CSMD1: variants seen among roughly 807,000 people sequenced by gnomAD.
The protein encoded by CSMD1 is CUB and sushi domain-containing protein 1.
Under a neutral mutation model 417.5 loss-of-function variants are expected in CSMD1, and 213 were observed. The ratio of observed to expected loss-of-function variants is 0.51; its 90% CI spans 0.46 to 0.57. The LOEUF (loss-of-function observed/expected upper bound fraction) is 0.57, where lower values mean the gene tolerates loss of function less well. Ranked by LOEUF, CSMD1 falls within the 20% of genes least tolerant of loss-of-function variation. The pLI is 0.00. For missense variants in CSMD1, 6,923 were observed against 4,529.7 expected, an observed-to-expected ratio of 1.53 and a Z score of -15.17; for synonymous variants, 2,862 against 1,736.8, an observed-to-expected ratio of 1.65 and a Z score of -16.11.
At chr8:3,520,875 C>T (rs1563116887) in intron 10 of CSMD1, among the ~76,000 whole-genome samples, 1 of 152,078 alleles carries the variant, frequency 6.6e-6, no homozygotes, top group South Asian at 2.1e-4. Context: ...GGCTTTGTCA[C>T]CCTTGTGTCT....
At chr8:4,427,098 TG>T (rs1797603771) in intron 2 of CSMD1, among the ~76,000 whole-genome samples, 1 of 152,060 alleles carries the variant, frequency 6.6e-6, no homozygotes, top group Non-Finnish European at 1.5e-5. Context: ...CTGTGGCTCC[TG>T]GGAGGTCACC....
At chr8:3,626,824 T>C (rs1796513274) in intron 7 of CSMD1, among the ~76,000 whole-genome samples, 1 of 149,704 alleles carries the variant, frequency 6.7e-6, no homozygotes, top group Non-Finnish European at 1.5e-5. Context: ...ATATAATTTA[T>C]ATATCAAAGT....
intron 5 of CSMD1, among the ~76,000 whole-genome samples, chr8:3,985,874 TC>T (rs1454355476): frequency 2.0e-5 from 3 of 151,992 alleles, no homozygotes; most frequent in African/African-American, 7.3e-5. Flanking sequence ...AGATAATTTT[TC>T]TTCCCAATTC....
chr8:4,404,075 T>C (rs1804843173), intron 3 of CSMD1, among the ~76,000 whole-genome samples: 1 of 152,316 alleles, frequency 6.6e-6, no homozygotes, highest in East Asian at 1.9e-4. Flanking sequence ...CAGAGCTTTT[T>C]ACGTGCTTTT....
At chr8:4,641,431 C>T (rs1179017954) in intron 1 of CSMD1, among the ~76,000 whole-genome samples, 1 of 152,086 alleles carries the variant, frequency 6.6e-6, no homozygotes, top group African/African-American at 2.4e-5. Flanking sequence ...ACAGAGTTAA[C>T]TTCAGTCATT....
At chr8:4,469,258 G>A (rs73660879) in intron 2 of CSMD1, among the ~76,000 whole-genome samples, 1 of 152,184 alleles carries the variant, frequency 6.6e-6, no homozygotes, top group Admixed American at 6.5e-5. Context: ...TCAGGGGTCA[G>A]GCTGCAGCAA....
At chr8:4,672,703 C>A (rs1034520483) in intron 1 of CSMD1, among the ~76,000 whole-genome samples, 1 of 152,150 alleles carries the variant, frequency 6.6e-6, no homozygotes, top group African/African-American at 2.4e-5. Flanking sequence ...AGACTGCGCA[C>A]ACACATGCAC....
chr8:4,733,115 G>A (rs1026020655), intron 1 of CSMD1, among the ~76,000 whole-genome samples: 2 of 152,026 alleles, frequency 1.3e-5, no homozygotes, highest in East Asian at 3.9e-4. Flanking sequence ...AGAATAGAAG[G>A]CAACCATTCA....
intron 1 of CSMD1, among the ~76,000 whole-genome samples, chr8:4,929,625 C>T (rs148885916): frequency 2.6e-5 from 4 of 152,172 alleles, no homozygotes; most frequent in African/African-American, 4.8e-5. Flanking sequence ...CATTTGTCAC[C>T]ATTTTCATCT....
chr8:3,323,219 A>G (rs1806270271), intron 23 of CSMD1, among the ~76,000 whole-genome samples: 1 of 152,218 alleles, frequency 6.6e-6, no homozygotes, highest in Non-Finnish European at 1.5e-5. Context: ...TCACAGCAAG[A>G]TTAAAAACCT....
chr8:4,851,867 G>A (rs1434296258), intron 1 of CSMD1, among the ~76,000 whole-genome samples: 2 of 152,138 alleles, frequency 1.3e-5, no homozygotes, highest in African/African-American at 4.8e-5. Context: ...TTAGATTTCA[G>A]AATATTTCTC....
At chr8:4,873,930 A>G (rs948033146) in intron 1 of CSMD1, among the ~76,000 whole-genome samples, 1 of 152,126 alleles carries the variant, frequency 6.6e-6, no homozygotes, top group African/African-American at 2.4e-5. Context: ...GGAAGTATGG[A>G]AGGGGAAAAA....
At chr8:3,225,220 TA>T (rs33977330) in intron 27 of CSMD1, among the ~76,000 whole-genome samples, 41,007 of 152,042 alleles carry the variant, frequency 0.27, 5,661 homozygotes, top group East Asian at 0.31. Context: ...TAGGAAGAAA[TA>T]ACAACTAACT....
chr8:3,985,165 G>C (rs1290773935), intron 5 of CSMD1, among the ~76,000 whole-genome samples: 4 of 152,068 alleles, frequency 2.6e-5, no homozygotes, highest in Non-Finnish European at 4.4e-5. Flanking sequence ...TGCCAGCTGA[G>C]CCTTCCTTGT....
chr8:3,269,694 G>C (rs1360676230), intron 26 of CSMD1, among the ~76,000 whole-genome samples: 3 of 152,180 alleles, frequency 2.0e-5, no homozygotes, highest in African/African-American at 7.2e-5. Flanking sequence ...GTAAAGGTCA[G>C]CTTTGTGTGC....
chr8:4,015,121 T>C (rs1796459126), intron 4 of CSMD1, among the ~76,000 whole-genome samples: 1 of 152,186 alleles, frequency 6.6e-6, no homozygotes. Flanking sequence ...AACCAAATTG[T>C]CTAAAACTAC....
At chr8:4,480,479 A>T (rs763733391) in intron 2 of CSMD1, among the ~76,000 whole-genome samples, 4 of 152,226 alleles carry the variant, frequency 2.6e-5, no homozygotes, top group Non-Finnish European at 5.9e-5. Context: ...CAGGGGCCTC[A>T]GCTAGTTGTA....
chr8:4,977,876 T>C (rs1026658261), intron 1 of CSMD1, among the ~76,000 whole-genome samples: 8 of 152,230 alleles, frequency 5.3e-5, no homozygotes, highest in African/African-American at 1.7e-4. Context: ...AGACCCATCA[T>C]CAATACTTAA....
intron 1 of CSMD1, among the ~76,000 whole-genome samples, chr8:4,692,579 G>C (rs1315334428): frequency 2.6e-5 from 4 of 152,150 alleles, no homozygotes; most frequent in Non-Finnish European, 5.9e-5. Flanking sequence ...TGAGCCATGG[G>C]TGAGAGCGTT....
Sources: allele counts gnomAD v4.1 joint callset (sites outside exome capture counted in the v4.1 genomes callset), GRCh38; gene constraint gnomAD v4.1.1; transcripts MANE v1.5; gene names NCBI Gene and HGNC (gene_info 2026-07-23, HGNC 2026-07-21).